Variants in GNA12 observed in about 807,000 individuals in gnomAD.
GNA12 encodes guanine nucleotide-binding protein subunit alpha-12.
GNA12 carries 9 observed loss-of-function variants against 26.0 expected under a neutral mutation model. That is an observed-to-expected ratio of 0.35 (90% CI 0.21 to 0.60). The LOEUF is 0.60. GNA12 is among the 20% of genes least tolerant of loss of function. The pLI, the probability that GNA12 is intolerant of heterozygous loss-of-function variation, is 0.78. For synonymous variants in GNA12, 264 were observed against 219.6 expected, an observed-to-expected ratio of 1.20 and a Z score of -1.79; for missense variants, 405 against 525.8, an observed-to-expected ratio of 0.77 and a Z score of 2.25.
rs905309037 is a variant in GNA12, at chr7:2,728,657, C to A, written c.*2524G>T. ...TAATAAAAAAGACAATAAGGATTAA[C>A]AGTGAAATTAAAATTAAAAAATACA... On this transcript the variant is annotated 3_prime_UTR_variant, in exon 4 of 4. Transcript: ENST00000275364. 2 of 152,496 alleles carry A rather than the reference C, an allele frequency of 1.3e-5. No individual in the cohort carries two copies. The highest frequency in any genetic ancestry group is 2.9e-5 in the Non-Finnish European group (2 of 68,030). 9.4% of individuals were successfully genotyped at this position (152,496 alleles called of 1,614,324 possible). A position where few individuals can be genotyped will look rare whatever the true frequency, so the allele number is the denominator to read the frequency against.
chr7:2,737,139 G>A (rs1008846476), intron 2 of GNA12, among the ~76,000 whole-genome samples: 9 of 152,114 alleles, frequency 5.9e-5, no homozygotes, highest in African/African-American at 1.2e-4. Context: ...AGATGTAAGC[G>A]TCTAAGTAGG....
chr7:2,768,139 G>C (rs1199828775), intron 2 of GNA12, among the ~76,000 whole-genome samples: 1 of 152,228 alleles, frequency 6.6e-6, no homozygotes, highest in Non-Finnish European at 1.5e-5. Flanking sequence ...ACAGGCATGA[G>C]CTACCGCTTA....
intron 1 of GNA12, among the ~76,000 whole-genome samples, chr7:2,832,054 G>A (rs1778689752): frequency 6.6e-6 from 1 of 152,174 alleles, no homozygotes; most frequent in Non-Finnish European, 1.5e-5. Flanking sequence ...CCTTGACTGA[G>A]CATCAAACTG....
At chr7:2,807,042 T>C (rs1420888815) in intron 1 of GNA12, among the ~76,000 whole-genome samples, 1 of 152,206 alleles carries the variant, frequency 6.6e-6, no homozygotes, top group Non-Finnish European at 1.5e-5. Flanking sequence ...TTTTCCTTTA[T>C]TTTCCCCCAA....
At chr7:2,763,700 T>A (rs1384155239) in intron 2 of GNA12, among the ~76,000 whole-genome samples, 2 of 152,206 alleles carry the variant, frequency 1.3e-5, no homozygotes. Context: ...AGCCTGGGCT[T>A]GTCCAGGAAA....
intron 1 of GNA12, among the ~76,000 whole-genome samples, chr7:2,837,945 C>CA (rs1778887096): frequency 6.6e-6 from 1 of 151,958 alleles, no homozygotes; most frequent in African/African-American, 2.4e-5. Flanking sequence ...TGAAGTAAAC[C>CA]ACCTGATGTG....
chr7:2,749,880 G>C (rs774845264), intron 2 of GNA12, among the ~76,000 whole-genome samples: 1 of 152,064 alleles, frequency 6.6e-6, no homozygotes, highest in Non-Finnish European at 1.5e-5. Flanking sequence ...AGAGAAAAAA[G>C]ATAAAGAATG....
intron 1 of GNA12, chr7:2,814,782 G>C (rs1369654970): frequency 5.1e-6 from 6 of 1,170,942 alleles, no homozygotes; most frequent in African/African-American, 1.5e-5. Context: ...TCCTAGAAAG[G>C]GTTCCCTGAC....
At chr7:2,772,144 G>A (rs747935943) in intron 2 of GNA12, among the ~76,000 whole-genome samples, 12 of 152,110 alleles carry the variant, frequency 7.9e-5, no homozygotes, top group Non-Finnish European at 1.3e-4. Flanking sequence ...TACATATTCC[G>A]GATAATCTGA....
At chr7:2,827,733 A>G (rs1211142631) in intron 1 of GNA12, among the ~76,000 whole-genome samples, 1 of 152,236 alleles carries the variant, frequency 6.6e-6, no homozygotes, top group Non-Finnish European at 1.5e-5. Context: ...AATGAAGGAA[A>G]GAATCACCTA....
intron 1 of GNA12, among the ~76,000 whole-genome samples, chr7:2,827,593 T>TGGGGC (rs909412262): frequency 3.3e-5 from 5 of 151,916 alleles, no homozygotes; most frequent in Non-Finnish European, 4.4e-5. Context: ...CTGAGGACAG[T>TGGGGC]GGGGCTGGGC....
chr7:2,822,672 C>T (rs537048988), intron 1 of GNA12, among the ~76,000 whole-genome samples: 42 of 152,138 alleles, frequency 2.8e-4, no homozygotes, highest in African/African-American at 9.2e-4. Context: ...ATTAGCCAGG[C>T]GTGGTGGTGC....
intron 2 of GNA12, among the ~76,000 whole-genome samples, chr7:2,755,091 C>T (rs924539726): frequency 6.6e-6 from 1 of 151,504 alleles, no homozygotes. Context: ...GGCGTGCTGG[C>T]GGGGAGCGAT....
chr7:2,742,743 G>C (rs1406860164), intron 2 of GNA12, among the ~76,000 whole-genome samples: 1 of 152,202 alleles, frequency 6.6e-6, no homozygotes. Flanking sequence ...CACAGGTGAT[G>C]CACATCTTCC....
intron 1 of GNA12, among the ~76,000 whole-genome samples, chr7:2,842,241 G>C (rs1483502690): frequency 6.6e-6 from 1 of 152,170 alleles, no homozygotes; most frequent in Non-Finnish European, 1.5e-5. Flanking sequence ...GTTTCCTCCA[G>C]ATCTTCCTTG....
intron 1 of GNA12, among the ~76,000 whole-genome samples, chr7:2,825,885 C>A (rs891018953): frequency 4.6e-5 from 7 of 152,088 alleles, no homozygotes; most frequent in Non-Finnish European, 2.9e-5. Context: ...ACAACCAGCA[C>A]ATAGAAAGAC....
At chr7:2,807,082 C>G (rs1228622697) in intron 1 of GNA12, among the ~76,000 whole-genome samples, 1 of 152,090 alleles carries the variant, frequency 6.6e-6, no homozygotes, top group African/African-American at 2.4e-5. Flanking sequence ...ATTTGCTTCA[C>G]GAAAATTGTC....
intron 2 of GNA12, among the ~76,000 whole-genome samples, chr7:2,781,155 T>G (rs118059764): frequency 1.3e-5 from 2 of 152,238 alleles, no homozygotes; most frequent in Admixed American, 6.5e-5. Flanking sequence ...AGGTTACAGA[T>G]AGCAAATGAC....
chr7:2,814,271 G>C, intron 1 of GNA12: 1 of 980,446 alleles, frequency 1.0e-6, no homozygotes, highest in Non-Finnish European at 1.7e-6. Context: ...ACTGAGATCA[G>C]GGAGATCTGT....
Sources: gnomAD v4.1 joint callset for allele counts (sites outside exome capture counted in the v4.1 genomes callset) on GRCh38, gnomAD v4.1.1 for gene constraint, MANE v1.5 for transcripts, NCBI Gene and HGNC (gene_info 2026-07-23, HGNC 2026-07-21) for gene names.